EXOC4: variants seen among roughly 807,000 people sequenced by gnomAD.
EXOC4 encodes the protein SEC8-like 1.
A neutral mutation model predicts 107.2 loss-of-function variants in EXOC4; 71 were observed. The ratio of observed to expected loss-of-function variants is 0.66; its 90% confidence interval spans 0.55 to 0.81. The LOEUF (loss-of-function observed/expected upper bound fraction) is 0.81, where lower values mean the gene tolerates loss of function less well. EXOC4 is among the 30% of genes least tolerant of loss of function. EXOC4 has a pLI of 0.00. For synonymous variants in EXOC4, 456 were observed against 441.2 expected (o/e 1.03, Z -0.42); for missense variants, 1,108 against 1,189.6 (o/e 0.93, Z 1.01).
chr7:133,938,270 G>A (rs1800350345), intron 14 of EXOC4, among the ~76,000 whole-genome samples: 1 of 152,084 alleles, frequency 6.6e-6, no homozygotes, highest in Non-Finnish European at 1.5e-5. Flanking sequence ...TTCCCTGTGT[G>A]GAATGTGGGA....
chr7:133,751,982 C>CAAAT (rs138557946), intron 10 of EXOC4, among the ~76,000 whole-genome samples: 4,783 of 125,066 alleles, frequency 0.038, 117 homozygotes, highest in African/African-American at 0.07. Flanking sequence ...ATCTCTCTAC[C>CAAAT]AAATAAATAA....
chr7:133,709,273 T>C (rs567849578), intron 10 of EXOC4, among the ~76,000 whole-genome samples: 1 of 152,166 alleles, frequency 6.6e-6, no homozygotes, highest in Non-Finnish European at 1.5e-5. Flanking sequence ...TGTGGAGGAA[T>C]AGGACGTAGG....
intron 10 of EXOC4, among the ~76,000 whole-genome samples, chr7:133,747,327 A>T (rs927746850): frequency 6.6e-6 from 1 of 152,182 alleles, no homozygotes; most frequent in African/African-American, 2.4e-5. Flanking sequence ...ATTACTATTG[A>T]AAGTAATGTA....
At chr7:133,662,025 C>T (rs1040391872) in intron 10 of EXOC4, among the ~76,000 whole-genome samples, 1 of 152,078 alleles carries the variant, frequency 6.6e-6, no homozygotes, top group African/African-American at 2.4e-5. Context: ...CTCATTAAAT[C>T]TTCACAAAAA....
chr7:133,658,570 A>G (rs1190308454), intron 10 of EXOC4, among the ~76,000 whole-genome samples: 1 of 152,198 alleles, frequency 6.6e-6, no homozygotes, highest in Non-Finnish European at 1.5e-5. Flanking sequence ...GCTAACTGAA[A>G]TCATGAGATT....
At chr7:133,294,222 A>G (rs909358936) in intron 3 of EXOC4, among the ~76,000 whole-genome samples, 4 of 152,226 alleles carry the variant, frequency 2.6e-5, no homozygotes, top group African/African-American at 7.2e-5. Context: ...TCCCAGTGGC[A>G]TGAGCCAACC....
intron 10 of EXOC4, among the ~76,000 whole-genome samples, chr7:133,717,096 C>G (rs991808373): frequency 6.6e-6 from 1 of 151,836 alleles, no homozygotes; most frequent in Non-Finnish European, 1.5e-5. Context: ...ATTGGTATCC[C>G]GAATAGATTC....
At chr7:133,588,785 G>A (rs760342963) in intron 9 of EXOC4, among the ~76,000 whole-genome samples, 3 of 152,138 alleles carry the variant, frequency 2.0e-5, no homozygotes, top group South Asian at 2.1e-4. Flanking sequence ...GCTGAAGCAC[G>A]AGAATCGCTT....
intron 9 of EXOC4, among the ~76,000 whole-genome samples, chr7:133,580,668 G>A (rs1781043857): frequency 6.6e-6 from 1 of 152,104 alleles, no homozygotes; most frequent in Admixed American, 6.5e-5. Context: ...CCAAGATGAG[G>A]TTTCAAATTC....
intron 9 of EXOC4, among the ~76,000 whole-genome samples, chr7:133,508,203 A>G (rs986819426): frequency 4.6e-5 from 7 of 152,200 alleles, no homozygotes; most frequent in African/African-American, 1.4e-4. Flanking sequence ...AGTCTTTTCA[A>G]TGAAAGAAAT....
chr7:134,090,318 C>T, the EXOC4 span, among the ~76,000 whole-genome samples: 1 of 152,174 alleles, frequency 6.6e-6, no homozygotes, highest in Non-Finnish European at 1.5e-5. Flanking sequence ...ACTTGGAAAC[C>T]TCATCCAGTT....
At chr7:133,813,683 G>T (rs1797292217) in intron 10 of EXOC4, among the ~76,000 whole-genome samples, 2 of 152,014 alleles carry the variant, frequency 1.3e-5, no homozygotes, top group Non-Finnish European at 2.9e-5. Context: ...TCTCTTTAAA[G>T]ATCCATTATA....
chr7:133,938,683 G>A (rs1488514264), intron 14 of EXOC4, among the ~76,000 whole-genome samples: 2 of 152,070 alleles, frequency 1.3e-5, no homozygotes, highest in African/African-American at 2.4e-5. Flanking sequence ...GAAAACTTTA[G>A]GGCACATAAA....
chr7:133,280,626 T>A (rs997949114), intron 2 of EXOC4, among the ~76,000 whole-genome samples: 1 of 151,890 alleles, frequency 6.6e-6, no homozygotes, highest in Non-Finnish European at 1.5e-5. Flanking sequence ...CTGAATCTCA[T>A]TTTTTTTGCC....
intron 7 of EXOC4, among the ~76,000 whole-genome samples, chr7:133,429,479 A>G (rs553580469): frequency 1.3e-5 from 2 of 152,350 alleles, no homozygotes; most frequent in African/African-American, 4.8e-5. Context: ...TTTAAAGAAT[A>G]TAACTCAATA....
At chr7:133,643,282 AT>A (rs892711193) in intron 10 of EXOC4, among the ~76,000 whole-genome samples, 4 of 151,530 alleles carry the variant, frequency 2.6e-5, no homozygotes, top group African/African-American at 9.7e-5. Context: ...AGTATCTAGC[AT>A]GGGAGAAGAT....
At chr7:133,647,812 T>G (rs1038632307) in intron 10 of EXOC4, among the ~76,000 whole-genome samples, 1 of 152,132 alleles carries the variant, frequency 6.6e-6, no homozygotes, top group Admixed American at 6.5e-5. Flanking sequence ...ACAGCCTAAT[T>G]AGAGCCATCA....
chr7:133,938,195 G>T, intron 14 of EXOC4, 126 bp downstream of exon 14: 2 of 884,860 alleles, frequency 2.3e-6, no homozygotes, highest in South Asian at 3.6e-5. Flanking sequence ...GAAGATCCTG[G>T]TTAGAATTCT....
intron 7 of EXOC4, among the ~76,000 whole-genome samples, chr7:133,427,211 G>A (rs1302473778): frequency 6.6e-6 from 1 of 152,096 alleles, no homozygotes; most frequent in Non-Finnish European, 1.5e-5. Context: ...TCTTTAGTTG[G>A]GATGAGGAGT....
Sources: allele counts gnomAD v4.1 joint callset (sites outside exome capture counted in the v4.1 genomes callset), GRCh38; gene constraint gnomAD v4.1.1; transcripts MANE v1.5; gene names NCBI Gene and HGNC (gene_info 2026-07-23, HGNC 2026-07-21).